Variants in MYO1E observed in about 807,000 individuals in gnomAD.
MYO1E encodes unconventional myosin-Ie.
A neutral mutation model predicts 151.1 loss-of-function variants in MYO1E; 68 were observed. The observed-to-expected ratio is 0.45, with a 90% CI of 0.37 to 0.55. The LOEUF (loss-of-function observed/expected upper bound fraction) is 0.55. Among genes scored for constraint, MYO1E ranks in the 20% least tolerant of loss-of-function variants. MYO1E has a pLI of 0.00. For missense variants in MYO1E, 1,363 were observed against 1,389.3 expected, an observed-to-expected ratio of 0.98 and a Z score of 0.30; for synonymous variants, 601 against 501.7, an observed-to-expected ratio of 1.20 and a Z score of -2.64.
At chr15:59,365,826 G>T (rs1596445458) in intron 1 of MYO1E, among the ~76,000 whole-genome samples, 1 of 152,138 alleles carries the variant, frequency 6.6e-6, no homozygotes, top group African/African-American at 2.4e-5. Context: ...ATCTTTAGTG[G>T]GGCTAATTGT....
intron 1 of MYO1E, among the ~76,000 whole-genome samples, chr15:59,300,301 C>CACACACACACACAG (rs1236585291): frequency 6.6e-6 from 1 of 151,896 alleles, no homozygotes; most frequent in Admixed American, 6.6e-5. Context: ...CACGCGCACA[C>CACACACACACACAG]ACACACACAC....
intron 10 of MYO1E, among the ~76,000 whole-genome samples, chr15:59,217,232 T>G (rs1429021389): frequency 1.3e-5 from 2 of 152,220 alleles, no homozygotes; most frequent in Non-Finnish European, 2.9e-5. Context: ...TGGGTTAATT[T>G]GTAACATAGA....
At chr15:59,262,705 C>A (rs1470520447) in intron 2 of MYO1E, among the ~76,000 whole-genome samples, 1 of 152,088 alleles carries the variant, frequency 6.6e-6, no homozygotes, top group African/African-American at 2.4e-5. Context: ...AAATTATAAA[C>A]CCACCTACAT....
intron 18 of MYO1E, among the ~76,000 whole-genome samples, chr15:59,186,523 TG>T (rs540342147): frequency 1.4e-3 from 220 of 152,248 alleles, no homozygotes; most frequent in African/African-American, 5.0e-3. Context: ...CCCAACACTT[TG>T]GGAGGTTGAG....
intron 1 of MYO1E, among the ~76,000 whole-genome samples, chr15:59,321,923 A>C (rs1227687146): frequency 6.6e-6 from 1 of 152,084 alleles, no homozygotes; most frequent in Admixed American, 6.5e-5. Flanking sequence ...CTGTAATCCC[A>C]GCACTTTGGG....
intron 1 of MYO1E, among the ~76,000 whole-genome samples, chr15:59,326,600 G>C (rs1393489090): frequency 6.6e-6 from 1 of 152,136 alleles, no homozygotes; most frequent in Non-Finnish European, 1.5e-5. Flanking sequence ...ATGTCGTATC[G>C]ACACGTGATA....
At chr15:59,275,777 T>C (rs187937160) in intron 1 of MYO1E, among the ~76,000 whole-genome samples, 82 of 152,332 alleles carry the variant, frequency 5.4e-4, no homozygotes, top group African/African-American at 1.9e-3. Flanking sequence ...GAGGGTGATA[T>C]GGTTATCAGC....
chr15:59,206,627 T>C (rs1490531313), intron 14 of MYO1E: 1 of 332,326 alleles, frequency 3.0e-6, no homozygotes, highest in East Asian at 5.9e-5. Context: ...ATATTAAAAA[T>C]AAAAAACTAG....
intron 4 of MYO1E, among the ~76,000 whole-genome samples, chr15:59,242,128 T>C (rs1369576726): frequency 6.6e-6 from 1 of 152,182 alleles, no homozygotes; most frequent in Non-Finnish European, 1.5e-5. Context: ...AGACTTCCAT[T>C]TTCTCAAGGC....
intron 4 of MYO1E, among the ~76,000 whole-genome samples, chr15:59,253,263 T>C (rs2080175381): frequency 1.3e-5 from 2 of 152,160 alleles, no homozygotes; most frequent in South Asian, 2.1e-4. Context: ...TAGTTTTTAT[T>C]TGAAGGTGAC....
In MYO1E at chr15:59,183,952, T is replaced by C. The variant is rs549568244; in HGVS notation, c.1904+4166A>G. Among the ~76,000 whole-genome samples, 16 of 152,346 alleles carry C rather than the reference T, an allele frequency of 1.1e-4. No homozygotes were observed. In the South Asian group the frequency reaches 3.3e-3, roughly 32 times the overall value. Reference sequence around the variant, plus strand: ...CATGTGATGTTTGTCTTTCTGTGCCTGGTTTGTTTCACTTAACATAATGAT... The same window carrying C: ...CATGTGATGTTTGTCTTTCTGTGCCCGGTTTGTTTCACTTAACATAATGAT... On this transcript the variant is annotated intron_variant, in intron 18 of 27. Transcript: ENST00000288235.
intron 14 of MYO1E, chr15:59,208,400 C>G (rs2079854730): frequency 1.8e-6 from 1 of 565,118 alleles, no homozygotes; most frequent in East Asian, 3.2e-5. Context: ...CGACTCTTTT[C>G]ATTAGATATA....
chr15:59,341,727 C>G (rs2080766913), intron 1 of MYO1E, among the ~76,000 whole-genome samples: 1 of 152,076 alleles, frequency 6.6e-6, no homozygotes, highest in Non-Finnish European at 1.5e-5. Context: ...TGTATCTGTA[C>G]CACATCTTCT....
intron 1 of MYO1E, among the ~76,000 whole-genome samples, chr15:59,362,178 C>G (rs895698655): frequency 6.6e-6 from 1 of 152,146 alleles, no homozygotes; most frequent in African/African-American, 2.4e-5. Context: ...CATATATGTA[C>G]ACATACACAA....
chr15:59,276,995 G>A (rs2080323044), intron 1 of MYO1E, among the ~76,000 whole-genome samples: 1 of 152,178 alleles, frequency 6.6e-6, no homozygotes, highest in African/African-American at 2.4e-5. Flanking sequence ...TGGGAGAAAG[G>A]AGGAGTTACC....
intron 18 of MYO1E, among the ~76,000 whole-genome samples, chr15:59,186,255 G>C (rs2079696925): frequency 6.6e-6 from 1 of 152,032 alleles, no homozygotes; most frequent in African/African-American, 2.4e-5. Flanking sequence ...AAAATCATTA[G>C]CTCTTTTTTA....
chr15:59,336,319 G>A (rs1305709968), intron 1 of MYO1E, among the ~76,000 whole-genome samples: 1 of 151,658 alleles, frequency 6.6e-6, no homozygotes, highest in African/African-American at 2.4e-5. Flanking sequence ...GCAGTGAGCC[G>A]AGATCATGCC....
At chr15:59,301,388 C>A (rs547141013) in intron 1 of MYO1E, among the ~76,000 whole-genome samples, 1 of 152,340 alleles carries the variant, frequency 6.6e-6, no homozygotes, top group South Asian at 2.1e-4. Context: ...GAAATGCCCT[C>A]ATTCCCAGGA....
intron 26 of MYO1E, among the ~76,000 whole-genome samples, chr15:59,138,853 T>C (rs2079389910): frequency 6.6e-6 from 1 of 152,082 alleles, no homozygotes. Context: ...CACATGTAAA[T>C]ACCCCTAGCC....
Sources: gnomAD v4.1 joint callset for allele counts (sites outside exome capture counted in the v4.1 genomes callset) on GRCh38, gnomAD v4.1.1 for gene constraint, MANE v1.5 for transcripts, NCBI Gene and HGNC (gene_info 2026-07-23, HGNC 2026-07-21) for gene names.